ITGB2: variants seen among roughly 807,000 people sequenced by gnomAD.
ITGB2 encodes the protein integrin beta-2.
A neutral mutation model predicts 86.8 loss-of-function variants in ITGB2; 56 were observed. That is an observed-to-expected ratio of 0.65 (90% CI 0.52 to 0.81). ITGB2 has a LOEUF of 0.81. ITGB2 is among the 30% of genes least tolerant of loss of function. The pLI is 0.00. For missense variants in ITGB2, 948 were observed against 1,061.2 expected (o/e 0.89, Z 1.48); for synonymous variants, 457 against 450.4 (o/e 1.01, Z -0.19).
chr21:44,918,921 G>A (rs1047630219), intron 1 of ITGB2, among the ~76,000 whole-genome samples: 1 of 41,932 alleles, frequency 2.4e-5, no homozygotes, highest in African/African-American at 3.4e-4. Flanking sequence ...TGAGGCAAAG[G>A]CCCTTGGGTG....
chr21:44,893,976 A>G, intron 9 of ITGB2: 2 of 310,206 alleles, frequency 6.4e-6, no homozygotes, highest in South Asian at 2.8e-5. Flanking sequence ...ACAGAGACAG[A>G]CAGAGATGGG....
At position 44,903,443 on chromosome 21, in the gene ITGB2, C is replaced by G. The variant is rs777770028; in HGVS notation, c.421G>C (p.Asp141His). 2.5e-6 allele frequency: 4 copies of G among 1,613,990 alleles called. No homozygotes were observed. Among genetic ancestry groups the G allele is most frequent in the African/African-American group, 2.7e-5 (2 of 74,910 alleles). The change falls in exon 5 of 16, where the codon GAT becomes CAT. Residue 141 changes from aspartate to histidine, a missense_variant. Asp to His is a moderately conservative substitution (Grantham distance 81, BLOSUM62 -1). Transcript: ENST00000652462. ...YLMDLSYSML[D>H]DLRNVKKLGG... ...AGCTTCTTGACATTCCTGAGGTCAT[C>G]AAGCATGGAGTAGGAGAGGTCCATC...
intron 14 of ITGB2, 45 bp from the exon 15 acceptor site, chr21:44,886,947 C>A (rs749698952): frequency 6.8e-6 from 11 of 1,606,410 alleles, no homozygotes; most frequent in Non-Finnish European, 9.3e-6. Context: ...AGCCCCATCT[C>A]ACTGAGCCGT....
rs2083718914 is a variant in ITGB2, at chr21:44,887,644, T to G, written c.2081-742A>C. 4.6e-5 allele frequency among the ~76,000 whole-genome samples: 7 copies of G among 152,158 alleles called. No homozygotes were observed. In the South Asian group the frequency reaches 1.5e-3, roughly 32 times the overall value. On this transcript the variant is annotated intron_variant, in intron 14 of 15. Transcript: ENST00000652462. ...CTGCACTCTCACTCCCCGTGCCCCC[T>G]CCTGCCATCCTGCCTTTCCTGGGGG...
At position 44,895,118 on chromosome 21, in the gene ITGB2, C is replaced by T. The variant is rs144791273; in HGVS notation, c.994-58G>A. ...TAGGACCTGTGCCACGGCATCTCCACGCACTGGGCTCACCCCAGGGGCTTC... is the reference window on the plus strand; with the variant it reads ...TAGGACCTGTGCCACGGCATCTCCATGCACTGGGCTCACCCCAGGGGCTTC... On this transcript the variant is annotated intron_variant, in intron 8 of 15. Coordinates refer to ENST00000652462, the MANE Select transcript of ITGB2 (RefSeq NM_000211.5). 3.2e-3 allele frequency: 4,006 copies of T among 1,266,082 alleles called. 15 individuals carry two copies. Among genetic ancestry groups the T allele is most frequent in the Non-Finnish European group, 4.1e-3 (3,522 of 866,132 alleles). 78.4% of individuals were successfully genotyped at this position (1,266,082 alleles called of 1,614,324 possible).
chr21:44,894,801 G>A, intron 9 of ITGB2, 170 bp downstream of exon 9: 1 of 672,760 alleles, frequency 1.5e-6, no homozygotes, highest in African/African-American at 1.8e-5. Context: ...GAAGTGCCGG[G>A]CCAGGGTGTC....
chr21:44,901,876 G>C, intron 5 of ITGB2, 143 bp from the exon 6 acceptor site: 1 of 884,360 alleles, frequency 1.1e-6, no homozygotes, highest in South Asian at 1.7e-5. Flanking sequence ...TGGAGTGTGT[G>C]TGTGAGCATG....
rs2146511228 is a variant in ITGB2, at chr21:44,894,953, G to C, written c.1083+18C>G. On this transcript the variant is annotated intron_variant, in intron 9 of 15. Coordinates refer to ENST00000652462, the MANE Select transcript of ITGB2 (RefSeq NM_000211.5). ...TGGCCACCCCATGGGTCCCAGCTGA[G>C]TGGTGCGGGAGACTCACATTGTAAG... is the stretch of plus-strand genomic sequence containing the variant. The C allele has an allele frequency of 6.5e-7, 1 of 1,538,192 alleles. No individual in the cohort carries two copies. Among genetic ancestry groups the C allele is most frequent in the Middle Eastern group, 1.7e-4 (1 of 5,942 alleles).
intron 10 of ITGB2, chr21:44,893,025 C>T (rs2048366871): frequency 1.0e-5 from 3 of 296,148 alleles, no homozygotes; most frequent in Non-Finnish European, 1.3e-5. Context: ...GATTTGGGCT[C>T]CAGGTTGATG....
intron 10 of ITGB2, 114 bp from the exon 11 acceptor site, chr21:44,892,110 G>A (rs1039299574): frequency 2.9e-6 from 3 of 1,026,014 alleles, no homozygotes; most frequent in Admixed American, 4.0e-5. Context: ...AGCGTGGGGA[G>A]GAAGGGGTGA....
chr21:44,886,144 C>A lies in ITGB2; in HGVS notation c.*224G>T. ...CTAACCTCACCAACCTCAAGCCCTC[C>A]CTCCTCAAGTCTCCATGCAAAGACT... On this transcript the variant is annotated 3_prime_UTR_variant, in exon 16 of 16. Coordinates refer to ENST00000652462, the MANE Select transcript of ITGB2 (RefSeq NM_000211.5). The A allele has an allele frequency of 1.7e-6, 1 of 593,726 alleles. No homozygotes were observed. The highest frequency in any genetic ancestry group is 3.0e-6 in the Non-Finnish European group (1 of 330,220). The allele number at this position is 593,726 out of a possible 1,614,324, so 36.8% of individuals were successfully genotyped here.
chr21:44,922,412 C>T (rs1353059915), upstream of ITGB2, among the ~76,000 whole-genome samples: 3 of 151,912 alleles, frequency 2.0e-5, no homozygotes, highest in Non-Finnish European at 4.4e-5. Flanking sequence ...CTTGTAATCC[C>T]AGCACTTTGG....
intron 8 of ITGB2, 102 bp downstream of exon 8, chr21:44,898,965 C>T (rs1234042729): frequency 2.1e-6 from 2 of 958,940 alleles, no homozygotes; most frequent in African/African-American, 3.2e-5. Flanking sequence ...CTCACGTGCC[C>T]AGCATGCAGA....
Position 44,895,036 on chromosome 21 carries a change from A to C in ITGB2, c.1018T>G (p.Ser340Ala), listed in dbSNP as rs775430605. ...TCCTCAGACAGCTCCCCCACGGCTGACTTGGGGATGATCTCGGTGAGTTTC... is the reference window on the plus strand; with the variant it reads ...TCCTCAGACAGCTCCCCCACGGCTGCCTTGGGGATGATCTCGGTGAGTTTC... ...YEKLTEIIPK[S>A]AVGELSEDSS... The change falls in exon 9 of 16, where the codon TCA becomes GCA. Residue 340 changes from serine (S) to alanine (A), a missense_variant. Ser to Ala is a moderately conservative substitution (Grantham distance 99, BLOSUM62 1). Coordinates refer to ENST00000652462, the MANE Select transcript of ITGB2 (RefSeq NM_000211.5). 6.2e-7 allele frequency: 1 copy of C among 1,613,366 alleles called. No homozygotes were observed. The highest frequency in any genetic ancestry group is 1.1e-5 in the South Asian group (1 of 91,048).
chr21:44,902,045 T>A (rs1346964762), intron 5 of ITGB2, among the ~76,000 whole-genome samples: 1 of 152,218 alleles, frequency 6.6e-6, no homozygotes, highest in Non-Finnish European at 1.5e-5. Context: ...CGTATGTGTA[T>A]CTGTGTGTGC....
At chr21:44,911,234 C>A in intron 1 of ITGB2, 1 of 273,144 alleles carries the variant, frequency 3.7e-6, no homozygotes, top group Non-Finnish European at 7.3e-6. Context: ...CACCATACTC[C>A]CCGCAAGACA....
Position 44,911,897 on chromosome 21 carries a change from G to T in ITGB2, c.-3-1112C>A, listed in dbSNP as rs576536229. Among the ~76,000 whole-genome samples, 23 of 152,258 alleles carry T rather than the reference G, an allele frequency of 1.5e-4. No individual in the cohort carries two copies. In the East Asian group the frequency reaches 4.4e-3, roughly 29 times the overall value. ...AACCAGGCCTAGGTCGGCTCCTTGGGGGGTCTTAGGGCTTCCTAGGTGGGG... is the reference window on the plus strand; with the variant it reads ...AACCAGGCCTAGGTCGGCTCCTTGGTGGGTCTTAGGGCTTCCTAGGTGGGG... On this transcript the variant is annotated intron_variant, in intron 1 of 15. Transcript: ENST00000652462.
intron 3 of ITGB2, chr21:44,907,956 C>A: frequency 1.5e-6 from 1 of 667,506 alleles, no homozygotes; most frequent in South Asian, 1.6e-5. Flanking sequence ...GAAAAGAAAG[C>A]CTAAATGTAA....
chr21:44,900,395 C>CT lies in ITGB2; in HGVS notation c.821dup (p.Leu275AlafsTer39). ...CGTTGGGGGTCAGGATGGCGCCCAG[C>CT]TTCCCGTCGCCCGCGAAATGGAAGC... On this transcript the variant is annotated frameshift_variant, in exon 7 of 16. Transcript: ENST00000652462. LOFTEE classifies it high-confidence loss of function. 1 of 1,614,112 alleles carries CT rather than the reference C, an allele frequency of 6.2e-7. No homozygotes were observed. Among genetic ancestry groups the CT allele is most frequent in the Non-Finnish European group, 8.5e-7 (1 of 1,179,982 alleles).
Sources: gnomAD v4.1 joint callset for allele counts (sites outside exome capture counted in the v4.1 genomes callset) on GRCh38, gnomAD v4.1.1 for gene constraint, MANE v1.5 for transcripts, NCBI Gene and HGNC (gene_info 2026-07-23, HGNC 2026-07-21) for gene names.